The following FHIP2B variants were observed in gnomAD, a reference collection of about 807,000 sequenced individuals.
FHIP2B encodes the protein FHF complex subunit HOOK interacting protein 2B, also known as FHF complex subunit HOOK-interacting protein 2B.
A neutral mutation model predicts 84.0 loss-of-function variants in FHIP2B; 72 were observed. The observed-to-expected ratio is 0.86, with a 90% CI of 0.71 to 1.04. FHIP2B has a LOEUF of 1.04. Among genes scored for constraint, FHIP2B ranks in the 50% least tolerant of loss-of-function variants. The pLI is 0.00. For missense variants in FHIP2B, 972 were observed against 968.9 expected (o/e 1.00, Z -0.04); for synonymous variants, 497 against 418.7 (o/e 1.19, Z -2.28).
rs747072876 is a variant in FHIP2B, at chr8:22,096,441, G to A, written c.229G>A (p.Gly77Arg). 6.4e-7 allele frequency: 1 copy of A among 1,555,760 alleles called. No homozygotes were observed. Among genetic ancestry groups the A allele is most frequent in the Non-Finnish European group, 8.7e-7 (1 of 1,149,708 alleles). Residue 77 changes from glycine to arginine, a missense_variant, in exon 3 of 17, where the codon GGG (glycine) becomes AGG (arginine). By Grantham distance (125) the Gly-to-Arg change is moderately radical. Transcript: ENST00000289921. ...GCAGCAGGCGGCCGCGGGTGAGGCA[G>A]GGCCCTGCCTGGAGTACCTGCTGCA... ...EQQQAAAGEA[G>R]PCLEYLLQHK... is the part of the protein sequence containing the mutation.
chr8:22,101,005 G>A (rs1377373860), intron 12 of FHIP2B, 33 bp downstream of exon 12: 3 of 1,596,598 alleles, frequency 1.9e-6, no homozygotes, highest in Non-Finnish European at 2.6e-6. Context: ...TGAACCACTT[G>A]AGTTTTATTT....
Position 22,089,202 on chromosome 8 carries a change from TAG to T in FHIP2B, c.-49_-48del. ...GGGCCACGGGGCTGCCTCCTCCGCC[TAG>T]AGCGCTGCCGCCGCCGCTTTCGCCC... On this transcript the variant is annotated 5_prime_UTR_variant, in exon 1 of 17. Coordinates refer to ENST00000289921, the MANE Select transcript of FHIP2B (RefSeq NM_022749.7). 9.6e-7 allele frequency: 1 copy of T among 1,042,880 alleles called. No individual in the cohort carries two copies. Among genetic ancestry groups the T allele is most frequent in the Non-Finnish European group, 1.2e-6 (1 of 866,612 alleles). The allele number at this position is 1,042,880 out of a possible 1,614,324, so 64.6% of individuals were successfully genotyped here.
rs766685969 is a variant in FHIP2B, at chr8:22,101,838, G to A, written c.1838G>A (p.Arg613Gln). 7.1e-5 allele frequency: 114 copies of A among 1,613,286 alleles called. No individual in the cohort carries two copies. Among genetic ancestry groups the A allele is most frequent in the Non-Finnish European group, 8.6e-5 (102 of 1,179,754 alleles). The change falls in exon 14 of 17, where the codon CGG becomes CAG. Residue 613 changes from arginine (R) to glutamine (Q), a missense_variant. Coordinates refer to ENST00000289921, the MANE Select transcript of FHIP2B (RefSeq NM_022749.7). ...CGAGTGCTGTTTGACCGCATGTCCC[G>A]GATTCTGGATCAGGTAGCTAGTGGG... The part of the protein sequence containing the change: ...FLRVLFDRMS[R>Q]ILDQPYSLNL...
intron 3 of FHIP2B, among the ~76,000 whole-genome samples, chr8:22,097,214 C>G (rs533444988): frequency 6.6e-6 from 1 of 152,052 alleles, no homozygotes; most frequent in Admixed American, 6.5e-5. Flanking sequence ...CCTGTGAGAA[C>G]GGGCCCTCTG....
chr8:22,100,378 T>C, intron 10 of FHIP2B: 1 of 463,910 alleles, frequency 2.2e-6, no homozygotes, highest in Non-Finnish European at 3.7e-6. Flanking sequence ...TTGCCTGAAA[T>C]TGCACATCAA....
At chr8:22,102,446 C>T in intron 15 of FHIP2B, 82 bp from the exon 16 acceptor site, 3 of 1,530,812 alleles carry the variant, frequency 2.0e-6, no homozygotes, top group Admixed American at 4.0e-5. Context: ...CACAGTCTCC[C>T]ATGCTCTGCA....
chr8:22,091,171 T>C (rs551791466), intron 1 of FHIP2B, among the ~76,000 whole-genome samples: 8 of 151,898 alleles, frequency 5.3e-5, no homozygotes, highest in African/African-American at 1.9e-4. Context: ...AGTCAACTGA[T>C]TACTCATTGA....
intron 7 of FHIP2B, 62 bp from the exon 8 acceptor site, chr8:22,098,886 A>C: frequency 7.2e-7 from 1 of 1,388,652 alleles, no homozygotes; most frequent in Non-Finnish European, 1.0e-6. Context: ...TTCAGGACAC[A>C]TTGAGGAAGA....
At chr8:22,098,885 C>T (rs1476657908) in intron 7 of FHIP2B, 63 bp from the exon 8 acceptor site, 3 of 1,368,890 alleles carry the variant, frequency 2.2e-6, no homozygotes, top group African/African-American at 2.9e-5. Flanking sequence ...TTTCAGGACA[C>T]ATTGAGGAAG....
rs771496185 is a variant in FHIP2B, at chr8:22,102,614, G to A, written c.2079G>A (p.Gln693=). ...LLLVRKQLTG[Q]APGEQLDHQT... ...TGGTGCGCAAGCAGTTGACGGGCCAGGCTCCTGGGGAGCAGTGAGTACCAA... is the reference window on the plus strand; with the variant it reads ...TGGTGCGCAAGCAGTTGACGGGCCAAGCTCCTGGGGAGCAGTGAGTACCAA... The change falls in exon 16 of 17, where the codon CAG becomes CAA. Residue 693 remains glutamine, a synonymous_variant. Coordinates refer to ENST00000289921, the MANE Select transcript of FHIP2B (RefSeq NM_022749.7). 3.2e-6 allele frequency: 5 copies of A among 1,562,826 alleles called. No homozygotes were observed. In the African/African-American group the frequency reaches 5.4e-5, roughly 17 times the overall value.
chr8:22,097,186 C>T (rs1275058574), intron 3 of FHIP2B: 11 of 394,320 alleles, frequency 2.8e-5, no homozygotes, highest in Non-Finnish European at 2.3e-5. Flanking sequence ...TTTCGAACAA[C>T]GTGGCAAGGG....
At position 22,094,534 on chromosome 8, in the gene FHIP2B, C is replaced by T. The variant is rs370048349; in HGVS notation, c.124+16C>T. ...GAGAGCACAGGTGCGGCCTGGCCCTCCCCAGCCCAGGGACCCTGGAGGGAG... is the reference window on the plus strand; with the variant it reads ...GAGAGCACAGGTGCGGCCTGGCCCTTCCCAGCCCAGGGACCCTGGAGGGAG... On this transcript the variant is annotated intron_variant, in intron 2 of 16. Coordinates refer to ENST00000289921, the MANE Select transcript of FHIP2B (RefSeq NM_022749.7). 1.4e-5 allele frequency: 23 copies of T among 1,608,594 alleles called. No individual in the cohort carries two copies. Among genetic ancestry groups the T allele is most frequent in the Non-Finnish European group, 5.1e-6 (6 of 1,178,006 alleles).
chr8:22,099,049 C>A lies in FHIP2B; in HGVS notation c.1067C>A (p.Ala356Glu), dbSNP rs1391760848. Reference sequence around the variant, plus strand: ...TACTGCGACCACCTCATCACAGAGGCACACACGGTGAGCAGGGGCGGGCGG... The same window carrying A: ...TACTGCGACCACCTCATCACAGAGGAACACACGGTGAGCAGGGGCGGGCGG... ...FDYCDHLITE[A>E]HTVVADALAK... The change falls in exon 8 of 17, where the codon GCA becomes GAA. Residue 356 changes from alanine to glutamate, a missense_variant. Coordinates refer to ENST00000289921, the MANE Select transcript of FHIP2B (RefSeq NM_022749.7). 1.2e-6 allele frequency: 2 copies of A among 1,600,478 alleles called. No homozygotes were observed. Among genetic ancestry groups the A allele is most frequent in the East Asian group, 4.5e-5 (2 of 44,602 alleles).
At chr8:22,089,380 C>T (rs1246786045) in intron 1 of FHIP2B, 82 bp downstream of exon 1, 2 of 854,808 alleles carry the variant, frequency 2.3e-6, no homozygotes, top group African/African-American at 1.8e-5. Flanking sequence ...GGGCGCGGCC[C>T]GCAGGAGGGC....
At chr8:22,098,336 TG>T in intron 6 of FHIP2B, 26 bp downstream of exon 6, 2 of 334,770 alleles carry the variant, frequency 6.0e-6, no homozygotes, top group South Asian at 3.1e-5. Flanking sequence ...ATGGAGAGGT[TG>T]GGGGTGGGGG....
At chr8:22,098,852 C>T in intron 7 of FHIP2B, 96 bp from the exon 8 acceptor site, 1 of 1,136,576 alleles carries the variant, frequency 8.8e-7, no homozygotes. Context: ...ACAGAGGTTC[C>T]ACAGGAGAGG....
At chr8:22,095,211 A>T (rs570464970) in intron 2 of FHIP2B, 1 of 152,294 alleles carries the variant, frequency 6.6e-6, no homozygotes, top group South Asian at 2.1e-4. Context: ...CACCTTTCCT[A>T]CAGGCTTTCT....
intron 1 of FHIP2B, among the ~76,000 whole-genome samples, chr8:22,092,396 A>G (rs1825536738): frequency 6.6e-6 from 1 of 152,154 alleles, no homozygotes. Flanking sequence ...CCTGGCCAAC[A>G]TGGTGAAACC....
chr8:22,093,321 GT>G (rs1825592512), intron 1 of FHIP2B, among the ~76,000 whole-genome samples: 4 of 151,506 alleles, frequency 2.6e-5, no homozygotes, highest in Non-Finnish European at 4.4e-5. Context: ...GAATGGTGTT[GT>G]TGTTGTTGTT....
Sources: gnomAD v4.1 joint callset for allele counts (sites outside exome capture counted in the v4.1 genomes callset) on GRCh38, gnomAD v4.1.1 for gene constraint, MANE v1.5 for transcripts, NCBI Gene and HGNC (gene_info 2026-07-23, HGNC 2026-07-21) for gene names.